The following CEP290 variants were observed in gnomAD, a reference collection of about 807,000 sequenced individuals.
The protein encoded by CEP290 is centrosomal protein 290, also known as centrosomal protein of 290 kDa.
Under a neutral mutation model 344.9 loss-of-function variants are expected in CEP290, and 317 were observed. The ratio of observed to expected loss-of-function variants is 0.92; its 90% CI spans 0.84 to 1.01. The LOEUF (loss-of-function observed/expected upper bound fraction) is 1.01, where lower values mean the gene tolerates loss of function less well. Ranked by LOEUF, CEP290 falls within the 50% of genes least tolerant of loss-of-function variation. CEP290 has a pLI of 0.00. For synonymous variants in CEP290, 932 were observed against 895.8 expected (o/e 1.04, Z -0.72); for missense variants, 2,754 against 2,761.4 (o/e 1.00, Z 0.06).
At position 88,058,928 on chromosome 12, in the gene CEP290, C is replaced by T; in HGVS notation, c.6738G>A (p.Lys2246=). 2 of 1,613,924 alleles carry T rather than the reference C, an allele frequency of 1.2e-6. No individual in the cohort carries two copies. The highest frequency in any genetic ancestry group is 1.7e-6 in the Non-Finnish European group (2 of 1,179,856). The change falls in exon 49 of 54, where the codon AAG becomes AAA. Residue 2246 remains lysine, a synonymous_variant. Coordinates refer to ENST00000552810, the MANE Select transcript of CEP290 (RefSeq NM_025114.4). ...CTCTGCTTTCTGCAAACTGCAATCT[C>T]TTACCAGTCTCTTCTAGTTGAACTG... ...KMTVQLEETG[K]RLQFAESRGP... is the part of the protein sequence containing the mutation.
At position 88,095,044 on chromosome 12, in the gene CEP290, G is replaced by A. The variant is rs370845031; in HGVS notation, c.3104-1069C>T. Among the ~76,000 whole-genome samples the A allele has an allele frequency of 8.7e-4, 132 of 152,222 alleles. 2 individuals carry two copies. In the South Asian group the frequency reaches 0.027, roughly 31 times the overall value. ...AGTAATCAAGTAACTAACAATAATGGATCACTAACAGGTGCTAAAAGCATT... is the reference window on the plus strand; with the variant it reads ...AGTAATCAAGTAACTAACAATAATGAATCACTAACAGGTGCTAAAAGCATT... On this transcript the variant is annotated intron_variant, in intron 27 of 53. Coordinates refer to ENST00000552810, the MANE Select transcript of CEP290 (RefSeq NM_025114.4).
chr12:88,115,751 T>C, intron 18 of CEP290: 1 of 957,222 alleles, frequency 1.0e-6, no homozygotes, highest in Non-Finnish European at 1.2e-6. Context: ...AAATATAATT[T>C]GGAGAAAAAC....
intron 26 of CEP290, among the ~76,000 whole-genome samples, chr12:88,097,383 T>C (rs886457676): frequency 5.9e-5 from 9 of 152,012 alleles, no homozygotes; most frequent in African/African-American, 2.2e-4. Flanking sequence ...CTTTCCCCTT[T>C]GCTCGGCTCA....
At chr12:88,064,262 A>C in intron 44 of CEP290, 147 bp from the exon 45 acceptor site, 1 of 622,992 alleles carries the variant, frequency 1.6e-6, no homozygotes, top group Non-Finnish European at 2.6e-6. Context: ...GAAAGCCAAA[A>C]ATAAATAAGT....
chr12:88,068,074 G>C (rs1231858381), intron 44 of CEP290, among the ~76,000 whole-genome samples: 2 of 151,602 alleles, frequency 1.3e-5, no homozygotes, highest in Non-Finnish European at 2.9e-5. Context: ...AAGAAACATG[G>C]AAAGAAAAAA....
chr12:88,102,691 T>C, intron 26 of CEP290, 147 bp downstream of exon 26: 2 of 597,474 alleles, frequency 3.3e-6, no homozygotes, highest in South Asian at 4.6e-5. Flanking sequence ...ATAACTAAAC[T>C]GAATGAATAA....
chr12:88,060,028 A>G lies in CEP290; in HGVS notation c.6523-8T>C. On this transcript the variant is annotated splice_region_variant and splice_polypyrimidine_tract_variant and intron_variant, in intron 47 of 53. Coordinates refer to ENST00000552810, the MANE Select transcript of CEP290 (RefSeq NM_025114.4). Reference sequence around the variant, plus strand: ...AAGTTTTTCTAATTCAGCCTAGTAAAAAAACAAACAAAATAAAAAGTATAC... The same window carrying G: ...AAGTTTTTCTAATTCAGCCTAGTAAGAAAACAAACAAAATAAAAAGTATAC... The G allele has an allele frequency of 3.9e-6, 6 of 1,520,560 alleles. No individual in the cohort carries two copies. The highest frequency in any genetic ancestry group is 5.3e-6 in the Non-Finnish European group (6 of 1,134,822). 94.2% of individuals were successfully genotyped at this position (1,520,560 alleles called of 1,614,324 possible).
intron 41 of CEP290, among the ~76,000 whole-genome samples, chr12:88,072,253 T>C (rs1004828317): frequency 6.6e-6 from 1 of 152,164 alleles, no homozygotes; most frequent in Non-Finnish European, 1.5e-5. Context: ...GGTAGTATTA[T>C]ACAATATTTT....
chr12:88,116,866 T>C (rs991505973), intron 18 of CEP290, among the ~76,000 whole-genome samples, 167 bp downstream of exon 18: 1 of 148,600 alleles, frequency 6.7e-6, no homozygotes, highest in African/African-American at 2.5e-5. Flanking sequence ...CCCAGCTACT[T>C]GGGAGGCTGA....
intron 7 of CEP290, 72 bp from the exon 8 acceptor site, chr12:88,130,637 A>G: frequency 7.3e-7 from 1 of 1,369,736 alleles, no homozygotes; most frequent in Non-Finnish European, 9.6e-7. Context: ...AATAATCAGA[A>G]ACTAAAGAAA....
chr12:88,121,686 A>T (rs1189727564), intron 13 of CEP290, among the ~76,000 whole-genome samples: 8 of 152,136 alleles, frequency 5.3e-5, no homozygotes, highest in Non-Finnish European at 1.0e-4. Context: ...TGCTAGCTGA[A>T]ATCCACATGG....
intron 14 of CEP290, among the ~76,000 whole-genome samples, chr12:88,120,741 TAAAAA>T (rs1445200513): frequency 1.3e-5 from 2 of 151,886 alleles, no homozygotes; most frequent in Non-Finnish European, 2.9e-5. Context: ...ACACAGATAA[TAAAAA>T]AAAGTAATCC....
intron 22 of CEP290, among the ~76,000 whole-genome samples, chr12:88,110,987 A>T (rs779761769): frequency 1.3e-5 from 2 of 152,172 alleles, no homozygotes; most frequent in Non-Finnish European, 2.9e-5. Context: ...TCCATCTAAC[A>T]TCAAAATCCA....
chr12:88,074,552 C>G (rs1018151344), intron 41 of CEP290, among the ~76,000 whole-genome samples: 1 of 152,164 alleles, frequency 6.6e-6, no homozygotes, highest in African/African-American at 2.4e-5. Flanking sequence ...GCTTATAACT[C>G]TCATAGCCCT....
At chr12:88,126,282 C>A in intron 12 of CEP290, 34 bp downstream of exon 12, 7 of 1,421,526 alleles carry the variant, frequency 4.9e-6, no homozygotes, top group Non-Finnish European at 6.4e-6. Context: ...TGTAATAAAA[C>A]TGGTTGATAA....
intron 19 of CEP290, among the ~76,000 whole-genome samples, chr12:88,114,777 A>G (rs1402991419): frequency 6.6e-6 from 1 of 152,190 alleles, no homozygotes; most frequent in African/African-American, 2.4e-5. Context: ...CACGTATATA[A>G]GGCATACTTC....
At chr12:88,114,299 C>T (rs2038905397) in intron 20 of CEP290, 121 bp downstream of exon 20, 5 of 752,178 alleles carry the variant, frequency 6.6e-6, no homozygotes, top group Non-Finnish European at 1.0e-5. Context: ...ACTTTACATA[C>T]AGGGAAACAA....
At chr12:88,050,862 A>G (rs999868839) in intron 52 of CEP290, among the ~76,000 whole-genome samples, 1 of 152,196 alleles carries the variant, frequency 6.6e-6, no homozygotes, top group Non-Finnish European at 1.5e-5. Flanking sequence ...TTACACATTT[A>G]CTGTGCAATT....
chr12:88,112,907 T>C (rs1283347533), intron 20 of CEP290, among the ~76,000 whole-genome samples: 2 of 152,086 alleles, frequency 1.3e-5, no homozygotes, highest in Admixed American at 1.3e-4. Context: ...CGTGTCTACA[T>C]GGACTTTGGT....
Sources: gnomAD v4.1 joint callset for allele counts (sites outside exome capture counted in the v4.1 genomes callset) on GRCh38, gnomAD v4.1.1 for gene constraint, MANE v1.5 for transcripts, NCBI Gene and HGNC (gene_info 2026-07-23, HGNC 2026-07-21) for gene names.